The following PRICKLE2 variants were observed in gnomAD, a reference collection of about 807,000 sequenced individuals.
PRICKLE2 encodes prickle planar cell polarity protein 2.
A neutral mutation model predicts 81.4 loss-of-function variants in PRICKLE2; 21 were observed. The ratio of observed to expected loss-of-function variants is 0.26; its 90% confidence interval spans 0.18 to 0.37. PRICKLE2 has a LOEUF of 0.37. PRICKLE2 is among the 10% of genes least tolerant of loss of function. The pLI is 1.00. For missense variants in PRICKLE2, 940 were observed against 1,109.0 expected (o/e 0.85, Z 2.16); for synonymous variants, 456 against 421.5 (o/e 1.08, Z -1.00).
At position 64,147,778 on chromosome 3, in the gene PRICKLE2, C is replaced by T; in HGVS notation, c.788-76G>A. ...CACTGGGACGTGAAACACATAGCAC[C>T]TTGGTTTGTCTCAGGATTCCAGGTG... On this transcript the variant is annotated intron_variant, in intron 6 of 7. Coordinates refer to ENST00000638394, the MANE Select transcript of PRICKLE2 (RefSeq NM_198859.4). This position sits in a 1 kb window ranked among gnomAD's most constrained non-coding sequence, Gnocchi z 5.0. The T allele has an allele frequency of 6.6e-7, 1 of 1,524,578 alleles. No individual in the cohort carries two copies. The highest frequency in any genetic ancestry group is 9.1e-7 in the Non-Finnish European group (1 of 1,101,306). The allele number at this position is 1,524,578 out of a possible 1,614,324, so 94.4% of individuals were successfully genotyped here.
intron 2 of PRICKLE2, among the ~76,000 whole-genome samples, chr3:64,242,693 T>C (rs535990613): frequency 2.3e-3 from 358 of 152,360 alleles, no homozygotes; most frequent in African/African-American, 7.9e-3. Flanking sequence ...GGGCCATCAT[T>C]GCTTTACAGC....
rs71099794 is a variant in PRICKLE2, at chr3:64,202,645, CGTGT to C, written c.-40-3682_-40-3679del. Among the ~76,000 whole-genome samples the C allele has an allele frequency of 9.8e-3, 1,460 of 149,430 alleles. 16 individuals are homozygous for C. The highest frequency in any genetic ancestry group is 0.033 in the African/African-American group (1,363 of 40,778). On this transcript the variant is annotated intron_variant, in intron 1 of 7. Coordinates refer to ENST00000638394, the MANE Select transcript of PRICKLE2 (RefSeq NM_198859.4). The stretch of plus-strand genomic sequence containing the variant: ...TTGTATTAGTTTAGGTACTTGTGTG[CGTGT>C]GTGTGTGTGTGTGTGTGTGTGTGTA...
intron 2 of PRICKLE2, among the ~76,000 whole-genome samples, chr3:64,188,093 G>A (rs138468704): frequency 6.6e-6 from 1 of 152,210 alleles, no homozygotes; most frequent in African/African-American, 2.4e-5. Flanking sequence ...CCCTTCATCC[G>A]TATCTGCACG....
chr3:64,106,572 C>T (rs556618540), intron 7 of PRICKLE2, among the ~76,000 whole-genome samples: 1 of 152,198 alleles, frequency 6.6e-6, no homozygotes, highest in Non-Finnish European at 1.5e-5. Flanking sequence ...TCTGTGCCTC[C>T]AAACCGTGGC....
intron 7 of PRICKLE2, among the ~76,000 whole-genome samples, chr3:64,132,137 A>G (rs543693669): frequency 2.0e-5 from 3 of 152,310 alleles, no homozygotes; most frequent in Admixed American, 6.5e-5. Flanking sequence ...TAGCTCACCC[A>G]TCACTTCAGA....
intron 2 of PRICKLE2, among the ~76,000 whole-genome samples, chr3:64,235,704 C>T (rs2079170889): frequency 6.6e-6 from 1 of 152,160 alleles, no homozygotes; most frequent in Non-Finnish European, 1.5e-5. Context: ...TAATCACTAG[C>T]TGATTGTTCT....
In PRICKLE2 at chr3:64,251,477, T is replaced by C. The variant is rs78542654; in HGVS notation, c.129-52510A>G. 9.0e-3 allele frequency among the ~76,000 whole-genome samples: 1,378 copies of C among 152,312 alleles called. 28 individuals carry two copies. The highest frequency in any genetic ancestry group is 0.031 in the African/African-American group (1,293 of 41,576). On this transcript the variant is annotated intron_variant, in intron 2 of 8. Transcript: ENST00000295902. The stretch of plus-strand genomic sequence containing the variant: ...AATCCAAGTTCCCACCAAGCAATCA[T>C]GTTATACCTAATCAGTATGCATAAG...
chr3:64,223,972 G>C (rs760614825), intron 1 of PRICKLE2, among the ~76,000 whole-genome samples: 1 of 152,158 alleles, frequency 6.6e-6, no homozygotes, highest in Non-Finnish European at 1.5e-5. Flanking sequence ...TTCAGTACAC[G>C]GCAGTCTATG....
chr3:64,215,985 C>T (rs1307595167), intron 1 of PRICKLE2, among the ~76,000 whole-genome samples: 1 of 152,192 alleles, frequency 6.6e-6, no homozygotes, highest in Non-Finnish European at 1.5e-5. Flanking sequence ...ACTCCTATGG[C>T]CTTGGCATCT....
intron 1 of PRICKLE2, among the ~76,000 whole-genome samples, chr3:64,216,815 T>C (rs1201952671): frequency 6.6e-6 from 1 of 152,144 alleles, no homozygotes; most frequent in Non-Finnish European, 1.5e-5. Flanking sequence ...TTCTTTGCTG[T>C]GCATTTTCAC....
intron 1 of PRICKLE2, among the ~76,000 whole-genome samples, chr3:64,224,270 C>A (rs1371370999): frequency 6.6e-6 from 1 of 152,144 alleles, no homozygotes; most frequent in Non-Finnish European, 1.5e-5. Flanking sequence ...CATTGCAAGA[C>A]CCCCATGGCA....
chr3:64,099,974 A>G lies in PRICKLE2; in HGVS notation c.1661-49T>C. The G allele has an allele frequency of 6.3e-7, 1 of 1,584,776 alleles. No individual in the cohort carries two copies. The highest frequency in any genetic ancestry group is 8.7e-7 in the Non-Finnish European group (1 of 1,155,108). On this transcript the variant is annotated intron_variant, in intron 7 of 7. Transcript: ENST00000638394. The surrounding 1 kb of genome is among the most constrained non-coding windows in gnomAD (Gnocchi z 4.3). The stretch of plus-strand genomic sequence containing the variant: ...CAGAGATTAATACAGATGTGCAGCA[A>G]TGGGTATCACTGTCACTGCTGGTCA...
chr3:64,198,696 A>G, intron 2 of PRICKLE2, 88 bp downstream of exon 2: 1 of 1,404,530 alleles, frequency 7.1e-7, no homozygotes, highest in Non-Finnish European at 1.0e-6. Context: ...AGCAAAGTCT[A>G]CTCTTCCTAC....
upstream of PRICKLE2, among the ~76,000 whole-genome samples, chr3:64,226,960 C>T (rs1236828979): frequency 6.6e-6 from 1 of 152,228 alleles, no homozygotes; most frequent in Admixed American, 6.5e-5. Context: ...GGCTCCTTGC[C>T]CACACTCCCC....
chr3:64,117,775 C>A (rs1010921992), intron 7 of PRICKLE2, among the ~76,000 whole-genome samples: 2 of 152,092 alleles, frequency 1.3e-5, no homozygotes, highest in Admixed American at 6.6e-5. Context: ...GGCCATACTG[C>A]CCAAAGTAAT....
At chr3:64,181,638 C>T (rs1402217440) in intron 2 of PRICKLE2, among the ~76,000 whole-genome samples, 2 of 152,066 alleles carry the variant, frequency 1.3e-5, no homozygotes, top group African/African-American at 2.4e-5. Context: ...AACTTTTCTA[C>T]CACATGTTTA....
In PRICKLE2 at chr3:64,220,194, T is replaced by C. The variant is rs934899853; in HGVS notation, c.-41+4716A>G. Among the ~76,000 whole-genome samples, 4 of 152,364 alleles carry C rather than the reference T, an allele frequency of 2.6e-5. No individual in the cohort carries two copies. In the East Asian group the frequency reaches 7.7e-4, roughly 29 times the overall value. The stretch of plus-strand genomic sequence containing the variant: ...ATGAGCAGGCATCTCTAAGGACTCA[T>C]AACTGATGAATGGATGCCAAGAAAA... On this transcript the variant is annotated intron_variant, in intron 1 of 7. Transcript: ENST00000638394.
At chr3:64,162,188 A>G (rs1470682010) in intron 3 of PRICKLE2, among the ~76,000 whole-genome samples, 2 of 152,068 alleles carry the variant, frequency 1.3e-5, no homozygotes, top group African/African-American at 2.4e-5. Flanking sequence ...CCAGCTCTCT[A>G]AGGGGGTTAT....
intron 2 of PRICKLE2, among the ~76,000 whole-genome samples, chr3:64,249,278 A>AC (rs1223977470): frequency 6.6e-6 from 1 of 151,706 alleles, no homozygotes; most frequent in Non-Finnish European, 1.5e-5. Context: ...ACACTTTTAA[A>AC]CCATCATATC....
Sources: gnomAD v4.1 joint callset for allele counts (sites outside exome capture counted in the v4.1 genomes callset) on GRCh38, gnomAD v4.1.1 for gene constraint, Gnocchi (gnomAD v3.1) non-coding constraint, MANE v1.5 for transcripts, NCBI Gene and HGNC (gene_info 2026-07-23, HGNC 2026-07-21) for gene names.